Variants in FREM2 observed in about 807,000 individuals in gnomAD.
The protein encoded by FREM2 is FRAS1-related extracellular matrix protein 2.
Under a neutral mutation model 219.9 loss-of-function variants are expected in FREM2, and 119 were observed. The observed-to-expected ratio is 0.54, with a 90% CI of 0.47 to 0.63. The LOEUF is 0.63. Ranked by LOEUF, FREM2 falls within the 30% of genes least tolerant of loss-of-function variation. The pLI, the probability that FREM2 is intolerant of heterozygous loss-of-function variation, is 0.00. For synonymous variants in FREM2, 1,562 were observed against 1,522.8 expected (o/e 1.03, Z -0.60); for missense variants, 4,030 against 3,993.6 (o/e 1.01, Z -0.25).
intron 2 of FREM2, among the ~76,000 whole-genome samples, chr13:38,717,158 T>C (rs577880370): frequency 6.6e-6 from 1 of 151,800 alleles, no homozygotes; most frequent in African/African-American, 2.4e-5. Context: ...GCCTTAAAAC[T>C]GATTTATTTT....
intron 6 of FREM2, among the ~76,000 whole-genome samples, chr13:38,840,644 A>ATATATATGTG (rs1184958401): frequency 7.4e-6 from 1 of 134,268 alleles, no homozygotes; most frequent in Non-Finnish European, 1.6e-5. Flanking sequence ...ATATATATAT[A>ATATATATGTG]TGTGTATGTA....
chr13:38,846,695 C>G lies in FREM2; in HGVS notation c.6142C>G (p.Arg2048Gly). 6.2e-7 allele frequency: 1 copy of G among 1,613,742 alleles called. No individual in the cohort carries two copies. The highest frequency in any genetic ancestry group is 8.5e-7 in the Non-Finnish European group (1 of 1,179,768). Reference sequence around the variant, plus strand: ...GTCTTCTAGTGTCACAGTGAGGTCTCGGAAAACAGATCCTCCCTCTGCAGA... The same window carrying G: ...GTCTTCTAGTGTCACAGTGAGGTCTGGGAAAACAGATCCTCCCTCTGCAGA... ...SKSSSVTVRSRKTDPPSADAG... is the reference protein window; with the variant it reads ...SKSSSVTVRSGKTDPPSADAG... The change falls in exon 7 of 24, where the codon CGG (arginine) becomes GGG (glycine). Residue 2048 changes from arginine (R) to glycine (G), a missense_variant. Physicochemically the swap from Arg to Gly is moderately radical, Grantham distance 125. Around this residue, in one of 2 missense-constraint regions of FREM2, gnomAD observed 3,102 missense variants for 2,950.7 expected, o/e 1.05. Coordinates refer to ENST00000280481, the MANE Select transcript of FREM2 (RefSeq NM_207361.6).
At position 38,764,442 on chromosome 13, in the gene FREM2, CT is replaced by C; in HGVS notation, c.5406del (p.Phe1802LeufsTer2). ...CGTAGAGGTTACTTGGGAGAAACTT[CT>C]TTTATAAGTAAGTTTAATTTTTTAT... is the stretch of plus-strand genomic sequence containing the variant. Reference protein sequence around the residue: ...LKRRGYLGETSFISIGTRDRT... With the variant: ...LKRRGYLGETXFISIGTRDRT... On this transcript the variant is annotated frameshift_variant, in exon 3 of 24. Coordinates refer to ENST00000280481, the MANE Select transcript of FREM2 (RefSeq NM_207361.6). LOFTEE classifies it high-confidence loss of function. 2.6e-6 allele frequency: 4 copies of C among 1,542,644 alleles called. No homozygotes were observed. The highest frequency in any genetic ancestry group is 3.5e-6 in the Non-Finnish European group (4 of 1,127,786).
rs1481899807 is a variant in FREM2 at position 38,883,190 on chromosome 13, TA to T, written c.*2407del. The T allele has an allele frequency of 6.6e-6, 1 of 152,184 alleles. No homozygotes were observed. The highest frequency in any genetic ancestry group is 1.5e-5 in the Non-Finnish European group (1 of 68,022). 9.4% of individuals were successfully genotyped at this position (152,184 alleles called of 1,614,324 possible). On this transcript the variant is annotated 3_prime_UTR_variant, in exon 24 of 24. Coordinates refer to ENST00000280481, the MANE Select transcript of FREM2 (RefSeq NM_207361.6). ...TGGGAAATAGGCAGATATAGCTTTT[TA>T]AAATATAAAGTACTTGGGATTTTGC...
At chr13:38,762,381 G>A (rs758472712) in intron 2 of FREM2, among the ~76,000 whole-genome samples, 2 of 152,018 alleles carry the variant, frequency 1.3e-5, no homozygotes, top group Admixed American at 6.6e-5. Context: ...TTTCATCAGC[G>A]CAAAATGTGG....
chr13:38,879,137 C>T (rs1317831453), intron 23 of FREM2, among the ~76,000 whole-genome samples, 160 bp downstream of exon 23: 2 of 152,166 alleles, frequency 1.3e-5, no homozygotes, highest in African/African-American at 2.4e-5. Context: ...AACTACATAA[C>T]CCTATGCTGG....
intron 6 of FREM2, among the ~76,000 whole-genome samples, chr13:38,838,802 C>G (rs1876824008): frequency 6.6e-6 from 1 of 152,188 alleles, no homozygotes; most frequent in African/African-American, 2.4e-5. Context: ...CTGTGTTTTT[C>G]AGCTCCATCA....
At position 38,768,473 on chromosome 13, in the gene FREM2, C is replaced by T. The variant is rs1593395159; in HGVS notation, c.5411-1105C>T. Among the ~76,000 whole-genome samples the T allele has an allele frequency of 2.0e-5, 3 of 151,982 alleles. No individual in the cohort carries two copies. The East Asian group carries it at 5.8e-4, about 29-fold the overall frequency. ...TGTCTTTTTTGTAGAGATGGGGTTT[C>T]ACCATGTTTCCCAGGATGGTCTGGA... is the stretch of plus-strand genomic sequence containing the variant. On this transcript the variant is annotated intron_variant, in intron 3 of 23. Transcript: ENST00000280481.
chr13:38,851,235 T>G, intron 10 of FREM2, 127 bp downstream of exon 10: 1 of 843,092 alleles, frequency 1.2e-6, no homozygotes, highest in Non-Finnish European at 1.9e-6. Flanking sequence ...TTTAAGCAAT[T>G]GAGAAACAGC....
intron 16 of FREM2, 114 bp from the exon 17 acceptor site, chr13:38,872,628 C>A: frequency 1.2e-6 from 1 of 850,960 alleles, no homozygotes; most frequent in Non-Finnish European, 2.0e-6. Flanking sequence ...ATTTCCTCTT[C>A]TCAATGATTA....
chr13:38,863,684 A>C (rs977820924), intron 15 of FREM2, among the ~76,000 whole-genome samples: 2 of 152,204 alleles, frequency 1.3e-5, no homozygotes, highest in Non-Finnish European at 2.9e-5. Flanking sequence ...GTAGTCTCTG[A>C]AAAACTGCAT....
Position 38,881,088 on chromosome 13 carries a change from A to G in FREM2, c.*301A>G. The G allele has an allele frequency of 2.3e-6, 1 of 440,928 alleles. No individual in the cohort carries two copies. The highest frequency in any genetic ancestry group is 4.2e-6 in the Non-Finnish European group (1 of 237,154). 27.3% of individuals were successfully genotyped at this position (440,928 alleles called of 1,614,324 possible). On this transcript the variant is annotated 3_prime_UTR_variant, in exon 24 of 24. Transcript: ENST00000280481. ...ACATATTCTCTATGCAGTGGAGATAAATCTATTAAAAGGTGCTAACAGACT... is the reference window on the plus strand; with the variant it reads ...ACATATTCTCTATGCAGTGGAGATAGATCTATTAAAAGGTGCTAACAGACT...
In FREM2 at chr13:38,688,359, A is replaced by C. The variant is rs1366342498; in HGVS notation, c.1015A>C (p.Thr339Pro). 1.2e-6 allele frequency: 2 copies of C among 1,614,074 alleles called. No individual in the cohort carries two copies. The highest frequency in any genetic ancestry group is 1.1e-5 in the South Asian group (1 of 91,080). The change falls in exon 1 of 24, where the codon ACC becomes CCC. Residue 339 changes from threonine to proline, a missense_variant. Thr to Pro is a conservative substitution (Grantham distance 38, BLOSUM62 -1). Coordinates refer to ENST00000280481, the MANE Select transcript of FREM2 (RefSeq NM_207361.6). ...GGACCAGTTTGTACTGACGGCCCTG[A>C]CCCCAGACATGCTGGCAGCCGAGGA... ...EVDQFVLTAL[T>P]PDMLAAEDAE...
At chr13:38,785,720 G>A (rs986157427) in intron 6 of FREM2, among the ~76,000 whole-genome samples, 5 of 152,338 alleles carry the variant, frequency 3.3e-5, no homozygotes, top group African/African-American at 1.2e-4. Context: ...TATACTCTGT[G>A]CCAGGCATGG....
At chr13:38,857,094 C>T (rs1369833003) in intron 12 of FREM2, among the ~76,000 whole-genome samples, 1 of 152,078 alleles carries the variant, frequency 6.6e-6, no homozygotes, top group African/African-American at 2.4e-5. Context: ...TTTGTGTCTT[C>T]ATCACATAAG....
chr13:38,878,767 A>T lies in FREM2; in HGVS notation c.8860-64A>T, dbSNP rs866136586. 38 of 1,467,332 alleles carry T rather than the reference A, an allele frequency of 2.6e-5. No homozygotes were observed. The Middle Eastern group carries it at 1.5e-3, about 60-fold the overall frequency. 90.9% of individuals were successfully genotyped at this position (1,467,332 alleles called of 1,614,324 possible). Reference sequence around the variant, plus strand: ...ACTTGCACAAAACAAATAGAGAAACATGCTGTCCTGGCAAAAGCCGTGGCA... The same window carrying T: ...ACTTGCACAAAACAAATAGAGAAACTTGCTGTCCTGGCAAAAGCCGTGGCA... On this transcript the variant is annotated intron_variant, in intron 22 of 23. Transcript: ENST00000280481.
chr13:38,778,774 A>T (rs114422721), intron 4 of FREM2, among the ~76,000 whole-genome samples: 1 of 152,058 alleles, frequency 6.6e-6, no homozygotes, highest in African/African-American at 2.4e-5. Flanking sequence ...GCAAACCTGT[A>T]CTTGTACCCT....
In FREM2 at chr13:38,840,044, G is replaced by A. The variant is rs538312429; in HGVS notation, c.6020-6529G>A. On this transcript the variant is annotated intron_variant, in intron 6 of 23. Coordinates refer to ENST00000280481, the MANE Select transcript of FREM2 (RefSeq NM_207361.6). ...AGCTAGCTGAGTGTCTGTCCAAATG[G>A]CCACCCAACTTTGTGCTTGAAACTC... Among the ~76,000 whole-genome samples the A allele has an allele frequency of 5.3e-5, 8 of 152,234 alleles. No homozygotes were observed. In the East Asian group the frequency reaches 1.5e-3, roughly 29 times the overall value.
At chr13:38,692,585 C>G in intron 1 of FREM2, 68 bp downstream of exon 1, 1 of 1,523,794 alleles carries the variant, frequency 6.6e-7, no homozygotes, top group Non-Finnish European at 9.0e-7. Flanking sequence ...AAAAGCCTCA[C>G]AAACAGAGCA....
Sources: allele counts gnomAD v4.1 joint callset (sites outside exome capture counted in the v4.1 genomes callset), GRCh38; gene constraint gnomAD v4.1.1; regional missense constraint gnomAD v4.1.1; transcripts MANE v1.5; gene names NCBI Gene and HGNC (gene_info 2026-07-23, HGNC 2026-07-21).